Variants in SGMS1 observed in about 807,000 individuals in gnomAD.
SGMS1 encodes the protein sphingomyelin synthase 1, also known as phosphatidylcholine:ceramide cholinephosphotransferase 1.
Under a neutral mutation model 46.2 loss-of-function variants are expected in SGMS1, and 13 were observed. That is an observed-to-expected ratio of 0.28 (90% CI 0.18 to 0.45). The LOEUF is 0.45. Among genes scored for constraint, SGMS1 ranks in the 20% least tolerant of loss-of-function variants. The pLI is 1.00. For synonymous variants in SGMS1, 203 were observed against 187.8 expected (o/e 1.08, Z -0.66); for missense variants, 324 against 519.9 (o/e 0.62, Z 3.66).
intron 5 of SGMS1, among the ~76,000 whole-genome samples, chr10:50,435,474 C>A (rs1318406745): frequency 6.6e-6 from 1 of 152,176 alleles, no homozygotes; most frequent in East Asian, 1.9e-4. Context: ...TAACTTTTGA[C>A]AACAATATAA....
rs139893480 is a variant in SGMS1, at chr10:50,354,328, C to T, written c.-231-9983G>A. 2.1e-3 allele frequency among the ~76,000 whole-genome samples: 327 copies of T among 152,202 alleles called. 14 individuals are homozygous for T. In the East Asian group the frequency reaches 0.059, roughly 27 times the overall value. ...TGATCTTTGACAAACCTGACAAAAA[C>T]AAGAAATGGGGAATGGATTCCCTAT... On this transcript the variant is annotated intron_variant, in intron 6 of 10. Coordinates refer to ENST00000361781, the MANE Select transcript of SGMS1 (RefSeq NM_147156.4).
chr10:50,591,136 C>G (rs1181231400), intron 1 of SGMS1, among the ~76,000 whole-genome samples: 1 of 152,148 alleles, frequency 6.6e-6, no homozygotes, highest in Non-Finnish European at 1.5e-5. Flanking sequence ...ATGACGATAC[C>G]TTCTGTTTTG....
chr10:50,340,908 T>C (rs1847807327), intron 7 of SGMS1, among the ~76,000 whole-genome samples: 1 of 152,218 alleles, frequency 6.6e-6, no homozygotes, highest in Non-Finnish European at 1.5e-5. Flanking sequence ...ACTGATTTTT[T>C]AAGGGATCCA....
intron 5 of SGMS1, among the ~76,000 whole-genome samples, chr10:50,434,414 G>A (rs922562212): frequency 6.6e-6 from 1 of 152,106 alleles, no homozygotes; most frequent in Non-Finnish European, 1.5e-5. Flanking sequence ...TTCATCACCT[G>A]AGGCCTCAAT....
At chr10:50,344,593 G>C (rs1410016391) in intron 6 of SGMS1, among the ~76,000 whole-genome samples, 2 of 152,220 alleles carry the variant, frequency 1.3e-5, no homozygotes, top group African/African-American at 2.4e-5. Flanking sequence ...CGGTCAGCCG[G>C]GCGTGGTGGC....
intron 3 of SGMS1, among the ~76,000 whole-genome samples, chr10:50,512,125 T>G (rs574292840): frequency 3.9e-4 from 60 of 152,164 alleles, no homozygotes; most frequent in Admixed American, 1.5e-3. Flanking sequence ...ATCAAAGGCA[T>G]GGGGAAGGCT....
At chr10:50,308,398 G>A (rs1195097150) in intron 9 of SGMS1, among the ~76,000 whole-genome samples, 1 of 152,100 alleles carries the variant, frequency 6.6e-6, no homozygotes, top group Non-Finnish European at 1.5e-5. Context: ...CATAAATAGA[G>A]TTTAAAAGAT....
chr10:50,457,214 T>C (rs1837202874), intron 5 of SGMS1, among the ~76,000 whole-genome samples: 1 of 152,166 alleles, frequency 6.6e-6, no homozygotes, highest in Non-Finnish European at 1.5e-5. Context: ...TAAAAATGGA[T>C]ATAAAACACT....
intron 3 of SGMS1, among the ~76,000 whole-genome samples, chr10:50,502,017 G>C (rs1194068279): frequency 1.3e-5 from 2 of 152,070 alleles, no homozygotes; most frequent in Non-Finnish European, 2.9e-5. Flanking sequence ...GGCCTCCCTT[G>C]TGGACAGAGA....
chr10:50,562,710 A>AT (rs918438345), intron 2 of SGMS1, among the ~76,000 whole-genome samples: 13 of 151,928 alleles, frequency 8.6e-5, no homozygotes, highest in African/African-American at 2.9e-4. Context: ...TGCCCGGCTA[A>AT]TTTTTTTGTA....
chr10:50,338,475 T>C (rs925261658), intron 7 of SGMS1, among the ~76,000 whole-genome samples: 1 of 152,206 alleles, frequency 6.6e-6, no homozygotes, highest in Non-Finnish European at 1.5e-5. Context: ...TCAAACAAAG[T>C]TGGAGATTTC....
At chr10:50,439,572 C>T (rs1849515905) in intron 5 of SGMS1, among the ~76,000 whole-genome samples, 1 of 152,152 alleles carries the variant, frequency 6.6e-6, no homozygotes, top group African/African-American at 2.4e-5. Context: ...TCAATGGCAT[C>T]AAAAATTCTG....
chr10:50,343,344 T>A (rs1847850597), intron 7 of SGMS1, 148 bp downstream of exon 7: 1 of 809,870 alleles, frequency 1.2e-6, no homozygotes, highest in Middle Eastern at 3.8e-4. Flanking sequence ...GACAGTAAGT[T>A]AGTCCAACAG....
At chr10:50,352,380 C>A (rs915847446) in intron 6 of SGMS1, among the ~76,000 whole-genome samples, 1 of 152,144 alleles carries the variant, frequency 6.6e-6, no homozygotes, top group Non-Finnish European at 1.5e-5. Flanking sequence ...AGAAGAACTG[C>A]CACCATCCCC....
At chr10:50,557,641 T>A (rs1317265445) in intron 2 of SGMS1, among the ~76,000 whole-genome samples, 1 of 137,312 alleles carries the variant, frequency 7.3e-6, no homozygotes, top group African/African-American at 2.7e-5. Flanking sequence ...TAGAACCTGA[T>A]ATAAAATCTG....
intron 6 of SGMS1, chr10:50,418,071 C>T (rs780266841): frequency 6.6e-6 from 1 of 152,242 alleles, no homozygotes; most frequent in Non-Finnish European, 1.5e-5. Flanking sequence ...TACGGTCTCT[C>T]GTCCCCGGAG....
chr10:50,480,503 G>C (rs977373675), intron 3 of SGMS1, among the ~76,000 whole-genome samples: 2 of 152,118 alleles, frequency 1.3e-5, no homozygotes, highest in African/African-American at 4.8e-5. Flanking sequence ...GAAAAGCAGG[G>C]TGGAGCCATG....
intron 6 of SGMS1, among the ~76,000 whole-genome samples, chr10:50,351,786 T>C (rs1848022616): frequency 6.6e-6 from 1 of 152,236 alleles, no homozygotes; most frequent in African/African-American, 2.4e-5. Flanking sequence ...GGGGTGTCTT[T>C]ATTAGTAGTG....
intron 2 of SGMS1, among the ~76,000 whole-genome samples, chr10:50,522,646 G>A (rs2133791126): frequency 6.6e-6 from 1 of 152,204 alleles, no homozygotes; most frequent in East Asian, 1.9e-4. Context: ...TGGTTAAGAT[G>A]AGTCTATTTC....
Sources: gnomAD v4.1 joint callset for allele counts (sites outside exome capture counted in the v4.1 genomes callset) on GRCh38, gnomAD v4.1.1 for gene constraint, MANE v1.5 for transcripts, NCBI Gene and HGNC (gene_info 2026-07-23, HGNC 2026-07-21) for gene names.